LRMDA: variants seen among roughly 807,000 people sequenced by gnomAD.
LRMDA encodes the protein leucine rich melanocyte differentiation associated.
A neutral mutation model predicts 29.8 loss-of-function variants in LRMDA; 18 were observed. The observed-to-expected ratio is 0.60, with a 90% CI of 0.42 to 0.90. LRMDA has a LOEUF of 0.90. Ranked by LOEUF, LRMDA falls within the 40% of genes least tolerant of loss-of-function variation. LRMDA has a pLI of 0.00. For synonymous variants in LRMDA, 125 were observed against 109.4 expected, an observed-to-expected ratio of 1.14 and a Z score of -0.89; for missense variants, 273 against 273.9, an observed-to-expected ratio of 1.00 and a Z score of 0.02.
chr10:76,106,634 T>C (rs577860228), intron 5 of LRMDA, among the ~76,000 whole-genome samples: 2 of 152,308 alleles, frequency 1.3e-5, no homozygotes, highest in East Asian at 3.9e-4. Context: ...CCAGTCCTGG[T>C]GCGTGCTGGG....
chr10:76,338,625 G>A (rs1204683666), intron 6 of LRMDA, among the ~76,000 whole-genome samples: 1 of 151,916 alleles, frequency 6.6e-6, no homozygotes. Flanking sequence ...AAGATGGCAA[G>A]AGTTGGTACA....
chr10:75,731,332 C>A (rs888909595), intron 2 of LRMDA, among the ~76,000 whole-genome samples: 2 of 152,208 alleles, frequency 1.3e-5, no homozygotes, highest in African/African-American at 4.8e-5. Flanking sequence ...TCCTTTATTA[C>A]TTCAACACCC....
intron 5 of LRMDA, among the ~76,000 whole-genome samples, chr10:76,288,328 C>T (rs1232347375): frequency 6.6e-6 from 1 of 152,120 alleles, no homozygotes; most frequent in Non-Finnish European, 1.5e-5. Context: ...ATAAAAGACA[C>T]ATGCACGTGT....
chr10:75,803,950 G>A (rs1462556492), intron 2 of LRMDA, among the ~76,000 whole-genome samples: 1 of 152,198 alleles, frequency 6.6e-6, no homozygotes, highest in Non-Finnish European at 1.5e-5. Context: ...CTCCTGTCAC[G>A]TCAAAGATAG....
At chr10:75,519,119 C>T (rs184183253) in intron 2 of LRMDA, among the ~76,000 whole-genome samples, 1 of 152,258 alleles carries the variant, frequency 6.6e-6, no homozygotes, top group Admixed American at 6.5e-5. Flanking sequence ...TGTTTTACTT[C>T]TAATTCTGTG....
intron 5 of LRMDA, among the ~76,000 whole-genome samples, chr10:76,155,779 G>A (rs1850526269): frequency 6.6e-6 from 1 of 152,196 alleles, no homozygotes; most frequent in Admixed American, 6.5e-5. Flanking sequence ...TCCTGCATAT[G>A]ACGCAGTCTA....
chr10:75,697,850 T>TGTGTGTGTGTGTGTGTGTGCGCGCGC (rs10664076), intron 2 of LRMDA, among the ~76,000 whole-genome samples: 3 of 151,586 alleles, frequency 2.0e-5, no homozygotes, highest in Non-Finnish European at 4.4e-5. Context: ...TGTGTGTGTG[T>TGTGTGTGTGTGTGTGTGTGCGCGCGC]GCGTGTGTGT....
intron 2 of LRMDA, among the ~76,000 whole-genome samples, chr10:75,786,228 A>G (rs1011927061): frequency 6.6e-6 from 1 of 152,180 alleles, no homozygotes; most frequent in Admixed American, 6.5e-5. Context: ...GGCGGTATGA[A>G]AAGTGTGGGT....
In LRMDA at chr10:75,672,589, C is replaced by CT. The variant is rs561989568; in HGVS notation, c.131+234111dup. 8.8e-4 allele frequency among the ~76,000 whole-genome samples: 36 copies of CT among 40,966 alleles called. 3 individuals carry two copies. In the East Asian group the frequency reaches 0.011, roughly 13 times the overall value. 26.9% of individuals were successfully genotyped at this position (40,966 alleles called of 152,430 possible). ...CCCTTCCCTTCCCTTCCCTTCCCTG[C>CT]TTTTTTTTTTTTTTTTAGACAGCGT... On this transcript the variant is annotated intron_variant, in intron 2 of 6. Coordinates refer to ENST00000611255, the MANE Select transcript of LRMDA (RefSeq NM_001305581.2).
chr10:76,004,728 T>A (rs1482069236), intron 2 of LRMDA, among the ~76,000 whole-genome samples: 2 of 143,016 alleles, frequency 1.4e-5, no homozygotes, highest in African/African-American at 5.0e-5. Context: ...TTCTTTTAAT[T>A]TTTTTTTTTT....
intron 6 of LRMDA, among the ~76,000 whole-genome samples, chr10:76,397,086 G>A (rs540418539): frequency 1.3e-5 from 2 of 152,060 alleles, no homozygotes; most frequent in African/African-American, 4.8e-5. Flanking sequence ...TTCTCTTTTC[G>A]GTGTGTGAGC....
intron 5 of LRMDA, among the ~76,000 whole-genome samples, chr10:76,112,763 T>A (rs1440915860): frequency 4.6e-5 from 7 of 152,212 alleles, no homozygotes. Flanking sequence ...CACTTAATGC[T>A]TTGCTGTGTG....
At chr10:76,071,077 G>C (rs141691963) in intron 5 of LRMDA, among the ~76,000 whole-genome samples, 51 of 152,254 alleles carry the variant, frequency 3.3e-4, no homozygotes, top group African/African-American at 1.2e-3. Context: ...TTTCATTTGA[G>C]TGACCTCGCA....
At chr10:75,938,258 C>T (rs1846329080) in intron 2 of LRMDA, among the ~76,000 whole-genome samples, 1 of 152,182 alleles carries the variant, frequency 6.6e-6, no homozygotes, top group Non-Finnish European at 1.5e-5. Flanking sequence ...CATTTAGTAA[C>T]AGGAGCTTGA....
intron 5 of LRMDA, among the ~76,000 whole-genome samples, chr10:76,254,413 G>GCTATA (rs1287383423): frequency 1.0e-4 from 15 of 144,982 alleles, no homozygotes; most frequent in African/African-American, 3.6e-4. Flanking sequence ...GCTATGCTAT[G>GCTATA]CTATACTATA....
In LRMDA at chr10:76,386,071, G is replaced by A. The variant is rs1841655786; in HGVS notation, c.601+61586G>A. Among the ~76,000 whole-genome samples the A allele has an allele frequency of 2.0e-5, 3 of 152,266 alleles. No individual in the cohort carries two copies. The South Asian group carries it at 6.2e-4, about 32-fold the overall frequency. On this transcript the variant is annotated intron_variant, in intron 6 of 6. Transcript: ENST00000611255. ...ACTCTAAAAGGGAGAAATTCTTTCA[G>A]TGTTGGTCAGTAATATAAAAATTAT...
chr10:76,435,818 A>G (rs77454283), intron 6 of LRMDA, among the ~76,000 whole-genome samples: 1,614 of 152,352 alleles, frequency 0.011, 36 homozygotes, highest in African/African-American at 0.036. Context: ...AGCAAAGTTC[A>G]GGAATGAAGA....
intron 2 of LRMDA, among the ~76,000 whole-genome samples, chr10:75,583,083 T>C (rs1028842195): frequency 2.0e-5 from 3 of 152,204 alleles, no homozygotes; most frequent in African/African-American, 7.2e-5. Flanking sequence ...ATTTAACAAG[T>C]CTTTAGGAAG....
At chr10:76,310,287 A>G (rs1410864259) in intron 5 of LRMDA, among the ~76,000 whole-genome samples, 3 of 152,242 alleles carry the variant, frequency 2.0e-5, no homozygotes, top group East Asian at 3.9e-4. Flanking sequence ...CTCCAGGCAC[A>G]TCAATTACAC....
Sources: allele counts gnomAD v4.1 joint callset (sites outside exome capture counted in the v4.1 genomes callset), GRCh38; gene constraint gnomAD v4.1.1; transcripts MANE v1.5; gene names NCBI Gene and HGNC (gene_info 2026-07-23, HGNC 2026-07-21).